The following SCHIP1 variants were observed in gnomAD, a reference collection of about 807,000 sequenced individuals.
SCHIP1 encodes the protein schwannomin interacting protein 1, also known as schwannomin-interacting protein 1.
A neutral mutation model predicts 29.7 loss-of-function variants in SCHIP1; 8 were observed. The observed-to-expected ratio is 0.27, with a 90% CI of 0.16 to 0.49. SCHIP1 has a LOEUF of 0.49. Ranked by LOEUF, SCHIP1 falls within the 20% of genes least tolerant of loss-of-function variation. The pLI is 0.99. For missense variants in SCHIP1, 193 were observed against 294.6 expected (o/e 0.66, Z 2.52); for synonymous variants, 76 against 94.9 (o/e 0.80, Z 1.16).
At chr3:159,448,853 G>A in the SCHIP1 span, among the ~76,000 whole-genome samples, 1 of 152,114 alleles carries the variant, frequency 6.6e-6, no homozygotes, top group African/African-American at 2.4e-5. Flanking sequence ...GGATGCCCTT[G>A]GGAAGTTACT....
At chr3:159,572,089 A>AT in the SCHIP1 span, among the ~76,000 whole-genome samples, 1 of 151,836 alleles carries the variant, frequency 6.6e-6, no homozygotes, top group Non-Finnish European at 1.5e-5. Flanking sequence ...TCCTGGATTG[A>AT]TTTTTTTGAA....
the SCHIP1 span, among the ~76,000 whole-genome samples, chr3:159,393,467 A>T: frequency 6.6e-6 from 1 of 151,986 alleles, no homozygotes; most frequent in African/African-American, 2.4e-5. Flanking sequence ...TAAGTCTTTA[A>T]TCCATCTTGA....
chr3:159,704,377 G>A, the SCHIP1 span, among the ~76,000 whole-genome samples: 21 of 137,126 alleles, frequency 1.5e-4, no homozygotes, highest in Middle Eastern at 4.4e-3. Context: ...GGAGGTTGTA[G>A]TGAGCCAAGA....
At chr3:159,408,655 A>G in the SCHIP1 span, among the ~76,000 whole-genome samples, 2 of 152,194 alleles carry the variant, frequency 1.3e-5, no homozygotes, top group Non-Finnish European at 2.9e-5. Context: ...AAAGTCTCCC[A>G]GCAAAAGAAA....
At chr3:159,292,155 T>A in the SCHIP1 span, among the ~76,000 whole-genome samples, 2,602 of 152,148 alleles carry the variant, frequency 0.017, 76 homozygotes, top group African/African-American at 0.06. Flanking sequence ...TAACCTGATA[T>A]CTGGCACTTA....
the SCHIP1 span, among the ~76,000 whole-genome samples, chr3:159,609,927 T>C: frequency 6.6e-6 from 1 of 152,060 alleles, no homozygotes; most frequent in Non-Finnish European, 1.5e-5. Context: ...CAAGAATTGA[T>C]GGGAAACGAT....
At chr3:159,721,577 T>G in the SCHIP1 span, 1 of 191,078 alleles carries the variant, frequency 5.2e-6, no homozygotes, top group African/African-American at 2.4e-5. Context: ...ATCAGGGGCC[T>G]TCTCATTAAC....
At chr3:159,676,200 G>C in the SCHIP1 span, among the ~76,000 whole-genome samples, 3 of 152,140 alleles carry the variant, frequency 2.0e-5, no homozygotes, top group Non-Finnish European at 4.4e-5. Context: ...CTCCAGAAGG[G>C]TTTATACTTT....
the SCHIP1 span, among the ~76,000 whole-genome samples, chr3:159,808,097 A>G: frequency 6.6e-6 from 1 of 152,258 alleles, no homozygotes; most frequent in Non-Finnish European, 1.5e-5. Flanking sequence ...ACAGAGTAAG[A>G]GATAGCTTCT....
the SCHIP1 span, among the ~76,000 whole-genome samples, chr3:159,389,338 A>T: frequency 1.3e-5 from 2 of 152,058 alleles, no homozygotes; most frequent in Non-Finnish European, 2.9e-5. Context: ...TTAGAAAAGC[A>T]TGTTAAAAAT....
At chr3:159,626,223 T>G in the SCHIP1 span, among the ~76,000 whole-genome samples, 21 of 116,236 alleles carry the variant, frequency 1.8e-4, no homozygotes, top group African/African-American at 8.0e-4. Context: ...TCTAGATATA[T>G]ATATATCTAG....
At chr3:159,809,740 C>T in the SCHIP1 span, among the ~76,000 whole-genome samples, 1 of 151,790 alleles carries the variant, frequency 6.6e-6, no homozygotes, top group Non-Finnish European at 1.5e-5. Context: ...GTGGCTCATG[C>T]CTGTAATCCT....
At chr3:159,537,273 G>A in the SCHIP1 span, among the ~76,000 whole-genome samples, 1 of 152,092 alleles carries the variant, frequency 6.6e-6, no homozygotes, top group Non-Finnish European at 1.5e-5. Context: ...ATCACCCCAA[G>A]TAGAATTGCC....
the SCHIP1 span, among the ~76,000 whole-genome samples, chr3:159,601,887 G>A: frequency 6.6e-6 from 1 of 152,228 alleles, no homozygotes; most frequent in Non-Finnish European, 1.5e-5. Flanking sequence ...AAGCTCCTGG[G>A]ATGGGGAGAT....
At chr3:159,629,406 G>C in the SCHIP1 span, among the ~76,000 whole-genome samples, 75 of 152,200 alleles carry the variant, frequency 4.9e-4, no homozygotes, top group Admixed American at 8.5e-4. Context: ...TCCCATTTTG[G>C]TACAAAACCT....
In SCHIP1 at chr3:159,859,408, T is replaced by C. The variant is rs1713775405; in HGVS notation, c.31-6755T>C. Reference sequence around the variant, plus strand: ...TTTAAGAGCTTCAGACTCCTCACACTGTAATGCTACCTATAAATGTTAGAA... The same window carrying C: ...TTTAAGAGCTTCAGACTCCTCACACCGTAATGCTACCTATAAATGTTAGAA... On this transcript the variant is annotated intron_variant, in intron 1 of 6. Transcript: ENST00000445224. Among the ~76,000 whole-genome samples, 3 of 152,246 alleles carry C rather than the reference T, an allele frequency of 2.0e-5. No individual in the cohort carries two copies. The South Asian group carries it at 6.2e-4, about 31-fold the overall frequency.
chr3:159,584,671 A>G, the SCHIP1 span, among the ~76,000 whole-genome samples: 1 of 152,118 alleles, frequency 6.6e-6, no homozygotes, highest in Admixed American at 6.6e-5. Flanking sequence ...AGAGGTTCTC[A>G]GTGTGTGGTC....
At chr3:159,336,824 A>G in the SCHIP1 span, among the ~76,000 whole-genome samples, 1 of 152,166 alleles carries the variant, frequency 6.6e-6, no homozygotes, top group African/African-American at 2.4e-5. Context: ...TTGGCAATGC[A>G]GGCTCTTTTT....
the SCHIP1 span, among the ~76,000 whole-genome samples, chr3:159,509,086 T>A: frequency 2.0e-5 from 3 of 152,320 alleles, no homozygotes; most frequent in South Asian, 6.2e-4. Context: ...TCTCCCATTA[T>A]TATTGTGTGG....
Sources: gnomAD v4.1 joint callset for allele counts (sites outside exome capture counted in the v4.1 genomes callset) on GRCh38, gnomAD v4.1.1 for gene constraint, MANE v1.5 for transcripts, NCBI Gene and HGNC (gene_info 2026-07-23, HGNC 2026-07-21) for gene names.